Variants in WDR55 observed in about 807,000 individuals in gnomAD.
WDR55 encodes the protein WD repeat-containing protein 55.
Under a neutral mutation model 34.0 loss-of-function variants are expected in WDR55, and 31 were observed. That is an observed-to-expected ratio of 0.91 (90% CI 0.69 to 1.23). WDR55 has a LOEUF of 1.23. WDR55 is among the 50% of genes most tolerant of loss of function. WDR55 has a pLI of 0.00. For missense variants in WDR55, 440 were observed against 494.6 expected (o/e 0.89, Z 1.05); for synonymous variants, 164 against 185.9 (o/e 0.88, Z 0.96).
In WDR55 at chr5:140,668,891, C is replaced by T. The variant is rs559689676; in HGVS notation, c.561C>T (p.Ser187=). The T allele has an allele frequency of 4.9e-5, 79 of 1,614,202 alleles. No homozygotes were observed. The highest frequency in any genetic ancestry group is 3.2e-4 in the South Asian group (29 of 91,080). The change falls in exon 5 of 7, where the codon AGC becomes AGT. Residue 187 remains serine (S), a splice_region_variant and synonymous_variant. Transcript: ENST00000358337. The part of the protein sequence containing the change: ...DPAKKLLLTA[S]GDGCLGIFNI... The stretch of plus-strand genomic sequence containing the variant: ...AAGCCTACTGCTCTACTCTCTACAG[C>T]GGGGATGGCTGCCTTGGCATCTTCA...
At position 140,669,568 on chromosome 5, in the gene WDR55, G is replaced by A. The variant is rs760262672; in HGVS notation, c.1066G>A (p.Asp356Asn). The change falls in exon 7 of 7, where the codon GAT (aspartate) becomes AAT (asparagine). Residue 356 changes from aspartate (D) to asparagine (N), a missense_variant. Physicochemically the swap from Asp to Asn is conservative, Grantham distance 23. Coordinates refer to ENST00000358337, the MANE Select transcript of WDR55 (RefSeq NM_017706.5). The stretch of plus-strand genomic sequence containing the variant: ...TCTGAGCAGCAAGACTTGGAGCACC[G>A]ATGACTTCTTCGCAGGACTGAGGGA... Reference protein sequence around the residue: ...RALSSKTWSTDDFFAGLREEG... With the variant: ...RALSSKTWSTNDFFAGLREEG... The A allele has an allele frequency of 1.9e-5, 30 of 1,613,994 alleles. 1 individual carries two copies. The highest frequency in any genetic ancestry group is 1.6e-4 in the Middle Eastern group (1 of 6,084).
At chr5:140,666,289 G>A (rs998122343) in intron 1 of WDR55, among the ~76,000 whole-genome samples, 12 of 151,966 alleles carry the variant, frequency 7.9e-5, no homozygotes, top group African/African-American at 2.9e-4. Flanking sequence ...CCAGCTTCTC[G>A]GGAGGCTGAG....
At chr5:140,665,157 C>A in intron 1 of WDR55, 54 bp downstream of exon 1, 1 of 1,505,552 alleles carries the variant, frequency 6.6e-7, no homozygotes, top group Non-Finnish European at 8.9e-7. Context: ...CGGGGGTGGA[C>A]CTGGGAACAG....
Position 140,671,528 on chromosome 5 carries a change from T to C in WDR55, c.*1874T>C, listed in dbSNP as rs1359844024. On this transcript the variant is annotated 3_prime_UTR_variant, in exon 7 of 7. Transcript: ENST00000358337. ...GCCAGCAGGTCCTATGCCCAAACACTTGGTGAGGAACACAGGGCTGCCCAG... is the reference window on the plus strand; with the variant it reads ...GCCAGCAGGTCCTATGCCCAAACACCTGGTGAGGAACACAGGGCTGCCCAG... The C allele has an allele frequency of 6.3e-7, 1 of 1,575,914 alleles. No individual in the cohort carries two copies. The highest frequency in any genetic ancestry group is 2.4e-5 in the East Asian group (1 of 42,192).
intron 4 of WDR55, 47 bp downstream of exon 4, chr5:140,668,838 A>G: frequency 6.2e-7 from 1 of 1,613,586 alleles, no homozygotes; most frequent in Non-Finnish European, 8.5e-7. Context: ...CCTGTGTGAA[A>G]TGTCTTCCTC....
Position 140,672,149 on chromosome 5 carries a change from A to T in WDR55, c.*2495A>T. 1.8e-6 allele frequency: 1 copy of T among 557,518 alleles called. No homozygotes were observed. Among genetic ancestry groups the T allele is most frequent in the South Asian group, 2.1e-5 (1 of 46,628 alleles). The allele number at this position is 557,518 out of a possible 1,614,324, so 34.5% of individuals were successfully genotyped here. On this transcript the variant is annotated 3_prime_UTR_variant, in exon 7 of 7. Transcript: ENST00000358337. ...AAGCTCAGTTGGATTCCCTTGAGCA[A>T]ATCAATTTCTCTAACAGTTTCCTCA...
intron 1 of WDR55, chr5:140,667,331 C>A: frequency 5.6e-6 from 1 of 179,788 alleles, no homozygotes; most frequent in Non-Finnish European, 1.1e-5. Context: ...TTCTGCTTGG[C>A]TCATGTGGTC....
intron 1 of WDR55, chr5:140,667,726 T>C (rs1460963348): frequency 6.5e-6 from 1 of 154,028 alleles, no homozygotes; most frequent in Non-Finnish European, 1.4e-5. Flanking sequence ...CACCTCAAAG[T>C]TGTTTACAGG....
rs1477944769 is a variant in WDR55, at chr5:140,671,256, C to T, written c.*1602C>T. On this transcript the variant is annotated 3_prime_UTR_variant, in exon 7 of 7. Coordinates refer to ENST00000358337, the MANE Select transcript of WDR55 (RefSeq NM_017706.5). Reference sequence around the variant, plus strand: ...GGGATGGGGCCTGACACAGGCTCTGCATGCCCATTCAGGGTGCCTGTGGAG... The same window carrying T: ...GGGATGGGGCCTGACACAGGCTCTGTATGCCCATTCAGGGTGCCTGTGGAG... 1.9e-6 allele frequency: 3 copies of T among 1,611,030 alleles called. No homozygotes were observed. Among genetic ancestry groups the T allele is most frequent in the African/African-American group, 1.3e-5 (1 of 75,026 alleles).
Position 140,669,095 on chromosome 5 carries a change from C to T in WDR55, c.677C>T (p.Ala226Val). The T allele has an allele frequency of 1.9e-6, 3 of 1,614,176 alleles. No homozygotes were observed. The highest frequency in any genetic ancestry group is 1.6e-4 in the Middle Eastern group (1 of 6,062). ...TCCCTGCAGTGGGGGAAGAAGGTAG[C>T]CTGTGGCTCCAGTGAAGGTACCATC... The part of the protein sequence containing the change: ...VTLMKWGKKV[A>V]CGSSEGTIYL... Residue 226 changes from alanine (A) to valine (V), a missense_variant, in exon 6 of 7, where the codon GCC becomes GTC. Coordinates refer to ENST00000358337, the MANE Select transcript of WDR55 (RefSeq NM_017706.5).
intron 1 of WDR55, chr5:140,667,343 C>T (rs1243724705): frequency 5.9e-6 from 1 of 168,504 alleles, no homozygotes; most frequent in Admixed American, 6.5e-5. Context: ...CATGTGGTCT[C>T]ATGCCCACCC....
intron 1 of WDR55, chr5:140,666,928 G>A (rs778419914): frequency 3.1e-5 from 31 of 985,324 alleles, no homozygotes; most frequent in Non-Finnish European, 3.5e-5. Flanking sequence ...GTTAGAGGCA[G>A]TGGAAAAGTT....
Position 140,665,108 on chromosome 5 carries a change from G to A in WDR55, c.191+5G>A. 6.3e-7 allele frequency: 1 copy of A among 1,585,880 alleles called. No individual in the cohort carries two copies. The highest frequency in any genetic ancestry group is 1.2e-5 in the South Asian group (1 of 86,218). On this transcript the variant is annotated splice_donor_5th_base_variant and intron_variant, in intron 1 of 6. Coordinates refer to ENST00000358337, the MANE Select transcript of WDR55 (RefSeq NM_017706.5). ...CGTGGACGGGGACGTGTTCGTGTGAGAGCGGGGCAGGGCCGGGGCGCCGGG... is the reference window on the plus strand; with the variant it reads ...CGTGGACGGGGACGTGTTCGTGTGAAAGCGGGGCAGGGCCGGGGCGCCGGG...
Position 140,672,126 on chromosome 5 carries a change from G to A in WDR55, c.*2472G>A, listed in dbSNP as rs987650776. ...GAAACAGATTCTATAGTAGTAAAAAGCTCAGTTGGATTCCCTTGAGCAAAT... is the reference window on the plus strand; with the variant it reads ...GAAACAGATTCTATAGTAGTAAAAAACTCAGTTGGATTCCCTTGAGCAAAT... On this transcript the variant is annotated 3_prime_UTR_variant, in exon 7 of 7. Transcript: ENST00000358337. The A allele has an allele frequency of 7.3e-6, 4 of 547,326 alleles. No individual in the cohort carries two copies. The highest frequency in any genetic ancestry group is 1.3e-5 in the Non-Finnish European group (4 of 305,616). 33.9% of individuals were successfully genotyped at this position (547,326 alleles called of 1,614,324 possible).
chr5:140,668,519 A>G lies in WDR55; in HGVS notation c.380+17A>G. ...GGCTCATGGGTAAGGAGAGCAGCCA[A>G]TTCTGTGTATGTGCATGGAGGTGAA... On this transcript the variant is annotated intron_variant, in intron 3 of 6. Coordinates refer to ENST00000358337, the MANE Select transcript of WDR55 (RefSeq NM_017706.5). 1.2e-6 allele frequency: 2 copies of G among 1,613,598 alleles called. No individual in the cohort carries two copies. The highest frequency in any genetic ancestry group is 1.7e-6 in the Non-Finnish European group (2 of 1,179,622).
Position 140,668,643 on chromosome 5 carries a change from G to A in WDR55, c.412G>A (p.Glu138Lys). The change falls in exon 4 of 7, where the codon GAG (glutamate) becomes AAG (lysine). Residue 138 changes from glutamate (E) to lysine (K), a missense_variant. Coordinates refer to ENST00000358337, the MANE Select transcript of WDR55 (RefSeq NM_017706.5). ...CATCAATAGTCTTCTGCTGGTGGAT[G>A]AGAATGTTCTGGCCACTGGGGATGA... ...APINSLLLVD[E>K]NVLATGDDTG... The A allele has an allele frequency of 6.2e-7, 1 of 1,613,806 alleles. No homozygotes were observed. Among genetic ancestry groups the A allele is most frequent in the South Asian group, 1.1e-5 (1 of 91,078 alleles).
chr5:140,666,239 T>C (rs1561985895), intron 1 of WDR55, among the ~76,000 whole-genome samples: 1 of 151,218 alleles, frequency 6.6e-6, no homozygotes, highest in South Asian at 2.1e-4. Flanking sequence ...CTACTAAAAA[T>C]AGAAAAATTA....
intron 1 of WDR55, among the ~76,000 whole-genome samples, chr5:140,666,410 G>C (rs981103746): frequency 1.3e-5 from 2 of 152,016 alleles, no homozygotes; most frequent in Non-Finnish European, 2.9e-5. Flanking sequence ...AAAAAATCTC[G>C]AAACCTCAGC....
At position 140,665,074 on chromosome 5, in the gene WDR55, T is replaced by C. The variant is rs1232048420; in HGVS notation, c.162T>C (p.Ala54=). The change falls in exon 1 of 7, where the codon GCT becomes GCC. Residue 54 remains alanine, a synonymous_variant. Transcript: ENST00000358337. ...LAFHPARDLL[A]AGDVDGDVFV... ...TCCATCCGGCCCGTGACCTACTGGC[T>C]GCAGGGGACGTGGACGGGGACGTGT... The C allele has an allele frequency of 6.2e-7, 1 of 1,608,476 alleles. No homozygotes were observed. Among genetic ancestry groups the C allele is most frequent in the East Asian group, 2.2e-5 (1 of 44,732 alleles).
Sources: allele counts gnomAD v4.1 joint callset (sites outside exome capture counted in the v4.1 genomes callset), GRCh38; gene constraint gnomAD v4.1.1; transcripts MANE v1.5; gene names NCBI Gene and HGNC (gene_info 2026-07-23, HGNC 2026-07-21).